Variants in RHOBTB2 observed in about 807,000 individuals in gnomAD.
RHOBTB2 encodes rho-related BTB domain-containing protein 2.
Under a neutral mutation model 66.5 loss-of-function variants are expected in RHOBTB2, and 39 were observed. That is an observed-to-expected ratio of 0.59 (90% CI 0.45 to 0.77). The LOEUF (loss-of-function observed/expected upper bound fraction) is 0.77, where lower values mean the gene tolerates loss of function less well. RHOBTB2 is among the 30% of genes least tolerant of loss of function. The pLI is 0.00. For missense variants in RHOBTB2, 755 were observed against 999.1 expected (o/e 0.76, Z 3.29); for synonymous variants, 390 against 395.0 (o/e 0.99, Z 0.15).
At chr8:23,013,897 C>A (rs559670341) in intron 7 of RHOBTB2, among the ~76,000 whole-genome samples, 1 of 152,334 alleles carries the variant, frequency 6.6e-6, no homozygotes, top group African/African-American at 2.4e-5. Flanking sequence ...AAATCCTGCA[C>A]TCTTTGGCTT....
intron 1 of RHOBTB2, among the ~76,000 whole-genome samples, chr8:22,990,912 C>T (rs1201932179): frequency 6.6e-6 from 1 of 152,126 alleles, no homozygotes; most frequent in East Asian, 1.9e-4. Context: ...TGCTTGCCTG[C>T]CTCCCCCGAC....
chr8:22,997,859 G>A (rs552661580), upstream of RHOBTB2, among the ~76,000 whole-genome samples: 22 of 152,312 alleles, frequency 1.4e-4, no homozygotes, highest in South Asian at 1.0e-3. Flanking sequence ...TTTCTCTGGC[G>A]CAGGGGCTCT....
chr8:22,990,432 A>T (rs537171032), intron 1 of RHOBTB2, among the ~76,000 whole-genome samples: 1 of 152,054 alleles, frequency 6.6e-6, no homozygotes, highest in South Asian at 2.1e-4. Context: ...CTTGGACTTG[A>T]TACCTCCTAG....
upstream of RHOBTB2, chr8:22,996,015 G>C (rs1271733223): frequency 3.6e-6 from 3 of 826,086 alleles, no homozygotes; most frequent in Non-Finnish European, 4.1e-6. Context: ...GCCACAGGGA[G>C]AGCAACGCTG....
chr8:23,008,136 G>A, intron 6 of RHOBTB2, 25 bp downstream of exon 6: 1 of 1,502,586 alleles, frequency 6.7e-7, no homozygotes, highest in Non-Finnish European at 9.2e-7. Flanking sequence ...ACAAAGGGGG[G>A]AAGGAGGGAG....
Position 23,007,439 on chromosome 8 carries a change from A to G in RHOBTB2, c.1194A>G (p.Glu398=). ...GCCGAGCTTTTGTGAGCATCCAGGA[A>G]GAGATGGCAGAAGATCCTCTCACCT... is the stretch of plus-strand genomic sequence containing the variant. ...SWSRAFVSIQ[E]EMAEDPLTYK... Residue 398 remains glutamate (E), a synonymous_variant, in exon 5 of 10, where the codon GAA becomes GAG. Transcript: ENST00000251822. 6.2e-7 allele frequency: 1 copy of G among 1,614,174 alleles called. No individual in the cohort carries two copies. The highest frequency in any genetic ancestry group is 1.3e-5 in the African/African-American group (1 of 75,058).
At chr8:22,960,761 A>G in the RHOBTB2 span, among the ~76,000 whole-genome samples, 1 of 152,220 alleles carries the variant, frequency 6.6e-6, no homozygotes, top group Non-Finnish European at 1.5e-5. Flanking sequence ...CAAGTTACAC[A>G]TGAATTAGTA....
At chr8:23,003,109 T>C (rs1172315392) in intron 1 of RHOBTB2, among the ~76,000 whole-genome samples, 1 of 152,196 alleles carries the variant, frequency 6.6e-6, no homozygotes, top group Non-Finnish European at 1.5e-5. Flanking sequence ...GACTCCGGGC[T>C]GCTAAAGCCC....
Position 23,001,829 on chromosome 8 carries a change from G to A in RHOBTB2, c.-11+1724G>A, listed in dbSNP as rs550769376. On this transcript the variant is annotated intron_variant, in intron 1 of 9. Transcript: ENST00000251822. The stretch of plus-strand genomic sequence containing the variant: ...AAACAGAGAGGCAGCTGAAGGACAA[G>A]GGGACTGCTGAAGGGGCTGGGGAAT... 3.2e-4 allele frequency among the ~76,000 whole-genome samples: 48 copies of A among 152,312 alleles called. 1 individual carries two copies. In the South Asian group the frequency reaches 9.3e-3, roughly 30 times the overall value.
At chr8:22,986,423 T>C (rs1810290523), upstream of RHOBTB2, among the ~76,000 whole-genome samples, 1 of 151,836 alleles carries the variant, frequency 6.6e-6, no homozygotes, top group Non-Finnish European at 1.5e-5. Flanking sequence ...TGGGCTACCA[T>C]GCCTGGCTAA....
At chr8:23,013,942 G>C (rs962652427) in intron 7 of RHOBTB2, among the ~76,000 whole-genome samples, 1 of 152,172 alleles carries the variant, frequency 6.6e-6, no homozygotes, top group African/African-American at 2.4e-5. Flanking sequence ...TCTCTATCTG[G>C]AATGATGAGA....
upstream of RHOBTB2, among the ~76,000 whole-genome samples, chr8:22,985,748 C>A (rs796252226): frequency 9.2e-5 from 14 of 152,318 alleles, no homozygotes; most frequent in African/African-American, 3.4e-4. Context: ...ATTGACCAGA[C>A]CTCAGGGTGT....
chr8:22,969,147 A>G, the RHOBTB2 span, among the ~76,000 whole-genome samples: 1 of 152,358 alleles, frequency 6.6e-6, no homozygotes, highest in East Asian at 1.9e-4. Context: ...CTTAAATGGC[A>G]GCAGGCAAGA....
upstream of RHOBTB2, among the ~76,000 whole-genome samples, chr8:22,986,710 T>A (rs1810295180): frequency 2.6e-5 from 4 of 152,104 alleles, no homozygotes; most frequent in African/African-American, 9.7e-5. Flanking sequence ...AGTATAAAGG[T>A]CCTTAGCATC....
At chr8:22,954,949 T>C in the RHOBTB2 span, among the ~76,000 whole-genome samples, 8 of 152,156 alleles carry the variant, frequency 5.3e-5, no homozygotes, top group Non-Finnish European at 1.2e-4. Flanking sequence ...CTAGCCAACA[T>C]GGTGAAACCC....
chr8:22,969,229 C>T, the RHOBTB2 span, among the ~76,000 whole-genome samples: 1 of 152,134 alleles, frequency 6.6e-6, no homozygotes, highest in African/African-American at 2.4e-5. Context: ...TTATTCACTA[C>T]CACAAGAACA....
the RHOBTB2 span, among the ~76,000 whole-genome samples, chr8:22,965,252 T>C: frequency 1.3e-5 from 2 of 152,176 alleles, no homozygotes; most frequent in Non-Finnish European, 2.9e-5. Flanking sequence ...TTAAAAATAA[T>C]TGTAATACAA....
rs111467176 is a variant in RHOBTB2 at position 23,006,286 on chromosome 8, CTCAT to C, written c.482+158_482+161del. On this transcript the variant is annotated intron_variant, in intron 4 of 9. Coordinates refer to ENST00000251822, the MANE Select transcript of RHOBTB2 (RefSeq NM_015178.3). The surrounding 1 kb of genome is among the most constrained non-coding windows in gnomAD (Gnocchi z 6.1). ...CTTGCATTGGGAGTCAACAAGCATG[CTCAT>C]TCATTCATTCATTCATATACCTGTT... 39 of 704,680 alleles carry C rather than the reference CTCAT, an allele frequency of 5.5e-5. No individual in the cohort carries two copies. Among genetic ancestry groups the C allele is most frequent in the Middle Eastern group, 4.1e-4 (1 of 2,464 alleles). The allele number at this position is 704,680 out of a possible 1,614,324, so 43.7% of individuals were successfully genotyped here. A position where few individuals can be genotyped will look rare whatever the true frequency, so the allele number is the denominator to read the frequency against.
At position 23,006,304 on chromosome 8, in the gene RHOBTB2, C is replaced by A; in HGVS notation, c.482+159C>A. On this transcript the variant is annotated intron_variant, in intron 4 of 9. Coordinates refer to ENST00000251822, the MANE Select transcript of RHOBTB2 (RefSeq NM_015178.3). This position sits in a 1 kb window ranked among gnomAD's most constrained non-coding sequence, Gnocchi z 6.1. ...AAGCATGCTCATTCATTCATTCATT[C>A]ATATACCTGTTGCACACCTCTGGTG... 1 of 647,456 alleles carries A rather than the reference C, an allele frequency of 1.5e-6. No homozygotes were observed. The highest frequency in any genetic ancestry group is 2.7e-6 in the Non-Finnish European group (1 of 373,600). The allele number at this position is 647,456 out of a possible 1,614,324, so 40.1% of individuals were successfully genotyped here.
Sources: allele counts gnomAD v4.1 joint callset (sites outside exome capture counted in the v4.1 genomes callset), GRCh38; gene constraint gnomAD v4.1.1; non-coding constraint Gnocchi (gnomAD v3.1); transcripts MANE v1.5; gene names NCBI Gene and HGNC (gene_info 2026-07-23, HGNC 2026-07-21).